R3HDM1: variants seen among roughly 807,000 people sequenced by gnomAD.
R3HDM1 encodes R3H domain-containing protein 1.
A neutral mutation model predicts 141.1 loss-of-function variants in R3HDM1; 46 were observed. The observed-to-expected ratio is 0.33, with a 90% CI of 0.26 to 0.42. The LOEUF is 0.42. R3HDM1 is among the 10% of genes least tolerant of loss of function. R3HDM1 has a pLI of 1.00. For synonymous variants in R3HDM1, 435 were observed against 472.9 expected (o/e 0.92, Z 1.04); for missense variants, 1,184 against 1,368.3 (o/e 0.87, Z 2.12).
chr2:135,560,644 G>A (rs1383644617), intron 1 of R3HDM1, among the ~76,000 whole-genome samples: 1 of 152,112 alleles, frequency 6.6e-6, no homozygotes, highest in Non-Finnish European at 1.5e-5. Flanking sequence ...AATTATAGTT[G>A]AAATATTTAG....
intron 19 of R3HDM1, among the ~76,000 whole-genome samples, chr2:135,664,951 A>G (rs1438161557): frequency 6.6e-6 from 1 of 152,198 alleles, no homozygotes; most frequent in East Asian, 1.9e-4. Flanking sequence ...TTTGCAAAGT[A>G]TGGAATTTTT....
At chr2:135,551,541 C>T (rs1448010359) in intron 1 of R3HDM1, among the ~76,000 whole-genome samples, 1 of 151,790 alleles carries the variant, frequency 6.6e-6, no homozygotes, top group Non-Finnish European at 1.5e-5. Flanking sequence ...TTGACTATGC[C>T]AAGTAATTAA....
chr2:135,626,029 G>T (rs866600063), intron 7 of R3HDM1, among the ~76,000 whole-genome samples: 4 of 152,216 alleles, frequency 2.6e-5, no homozygotes, highest in Admixed American at 6.5e-5. Flanking sequence ...GTAGTCAGAA[G>T]TTCCAGAGGC....
rs75006798 is a variant in R3HDM1, at chr2:135,725,004, A to C, written c.*712A>C. 0.011 allele frequency: 1,624 copies of C among 152,302 alleles called. 101 individuals carry two copies. In the East Asian group the frequency reaches 0.19, roughly 18 times the overall value. The allele number at this position is 152,302 out of a possible 1,614,324, so 9.4% of individuals were successfully genotyped here. ...TACTTCCACTTTTTTTTTTTCAAGT[A>C]TCTCTCTAATAACTAAATGCCACTT... On this transcript the variant is annotated 3_prime_UTR_variant, in exon 27 of 27. Coordinates refer to ENST00000683871, the MANE Select transcript of R3HDM1 (RefSeq NM_001378107.1).
intron 1 of R3HDM1, among the ~76,000 whole-genome samples, chr2:135,571,977 T>A (rs978960124): frequency 4.0e-5 from 6 of 151,424 alleles, no homozygotes; most frequent in African/African-American, 1.5e-4. Flanking sequence ...AGTGTCTCAC[T>A]TCGTCATCCA....
At chr2:135,540,437 T>C (rs1402920909) in intron 1 of R3HDM1, among the ~76,000 whole-genome samples, 4 of 152,236 alleles carry the variant, frequency 2.6e-5, no homozygotes, top group Non-Finnish European at 5.9e-5. Flanking sequence ...ACAAATATTC[T>C]TTTAAGACAT....
chr2:135,713,839 G>A (rs1168338613), intron 23 of R3HDM1, among the ~76,000 whole-genome samples: 2 of 152,070 alleles, frequency 1.3e-5, no homozygotes, highest in African/African-American at 2.4e-5. Context: ...AAGAATACAG[G>A]ATCAGGAGTG....
intron 1 of R3HDM1, among the ~76,000 whole-genome samples, chr2:135,558,097 G>A (rs1701118978): frequency 6.6e-6 from 1 of 152,200 alleles, no homozygotes; most frequent in Admixed American, 6.5e-5. Context: ...TGGTTCAAGT[G>A]TAATGCCAAT....
rs755867675 is a variant in R3HDM1, at chr2:135,601,964, C to CT, written c.-249-514dup. Reference sequence around the variant, plus strand: ...GGCACAAGCCACTGCACCCAGCCAACTTTTTTTTTTTTTTTTTTTTTTAGA... The same window carrying CT: ...GGCACAAGCCACTGCACCCAGCCAACTTTTTTTTTTTTTTTTTTTTTTTAGA... On this transcript the variant is annotated intron_variant, in intron 1 of 26. Transcript: ENST00000683871. Among the ~76,000 whole-genome samples the CT allele has an allele frequency of 7.7e-3, 832 of 107,982 alleles. 1 individual carries two copies. Among genetic ancestry groups the CT allele is most frequent in the African/African-American group, 0.016 (472 of 29,736 alleles). 70.8% of individuals were successfully genotyped at this position (107,982 alleles called of 152,430 possible).
chr2:135,659,827 T>G (rs1439099378), intron 18 of R3HDM1, among the ~76,000 whole-genome samples: 1 of 152,214 alleles, frequency 6.6e-6, no homozygotes, highest in East Asian at 1.9e-4. Context: ...AAGTCTTATT[T>G]ATATACTGTC....
chr2:135,723,051 C>CA (rs996227549), intron 26 of R3HDM1, among the ~76,000 whole-genome samples: 1 of 152,124 alleles, frequency 6.6e-6, no homozygotes, highest in Non-Finnish European at 1.5e-5. Flanking sequence ...AGCCACTGTA[C>CA]AATGCCTCTT....
At chr2:135,547,444 C>T (rs1270664814) in intron 1 of R3HDM1, among the ~76,000 whole-genome samples, 5 of 148,402 alleles carry the variant, frequency 3.4e-5, no homozygotes, top group African/African-American at 7.4e-5. Context: ...TTATGACTGT[C>T]TTCGATTTTT....
intron 18 of R3HDM1, among the ~76,000 whole-genome samples, chr2:135,654,865 T>A (rs1164169974): frequency 1.7e-5 from 1 of 58,260 alleles, no homozygotes; most frequent in Non-Finnish European, 2.6e-5. Flanking sequence ...GTATATAAAG[T>A]GTGTGTGTGT....
At chr2:135,550,777 T>G (rs891788041) in intron 1 of R3HDM1, among the ~76,000 whole-genome samples, 2 of 152,226 alleles carry the variant, frequency 1.3e-5, no homozygotes, top group Non-Finnish European at 2.9e-5. Flanking sequence ...AAGTTCAACT[T>G]TATGCTTGTA....
At chr2:135,619,660 T>C in intron 5 of R3HDM1, 1 of 804,702 alleles carries the variant, frequency 1.2e-6, no homozygotes. Flanking sequence ...GAGTGGAAAT[T>C]GGAAAATAAA....
At chr2:135,600,445 G>A (rs977299401) in intron 1 of R3HDM1, among the ~76,000 whole-genome samples, 2 of 152,092 alleles carry the variant, frequency 1.3e-5, no homozygotes, top group African/African-American at 4.8e-5. Context: ...TAACATTTTT[G>A]GAGGGCCTGC....
chr2:135,642,677 A>G (rs1035545379), intron 15 of R3HDM1, among the ~76,000 whole-genome samples: 23 of 152,204 alleles, frequency 1.5e-4, no homozygotes, highest in African/African-American at 3.9e-4. Flanking sequence ...TGGTCTCATC[A>G]TAATGGCAGT....
At chr2:135,714,790 C>G (rs186581470) in intron 23 of R3HDM1, among the ~76,000 whole-genome samples, 48 of 151,732 alleles carry the variant, frequency 3.2e-4, no homozygotes, top group Non-Finnish European at 3.8e-4. Context: ...CACACACACA[C>G]AGAGAAAGCA....
rs548188072 is a variant in R3HDM1 at position 135,636,779 on chromosome 2, T to G, written c.903+596T>G. ...GTGTTAATCAGCTACAGATAGAAAT[T>G]TCCTCTGTGTTAAAAAAAAAAAAAA... On this transcript the variant is annotated intron_variant, in intron 11 of 26. Coordinates refer to ENST00000683871, the MANE Select transcript of R3HDM1 (RefSeq NM_001378107.1). Among the ~76,000 whole-genome samples, 29 of 151,046 alleles carry G rather than the reference T, an allele frequency of 1.9e-4. 1 individual carries two copies. In the South Asian group the frequency reaches 5.4e-3, roughly 28 times the overall value.
Sources: gnomAD v4.1 joint callset for allele counts (sites outside exome capture counted in the v4.1 genomes callset) on GRCh38, gnomAD v4.1.1 for gene constraint, MANE v1.5 for transcripts, NCBI Gene and HGNC (gene_info 2026-07-23, HGNC 2026-07-21) for gene names.